Variants in SLC25A33 observed in about 807,000 individuals in gnomAD.
SLC25A33 encodes bone marrow stromal cell mitochondrial carrier protein.
SLC25A33 carries 15 observed loss-of-function variants against 35.5 expected under a neutral mutation model. The ratio of observed to expected loss-of-function variants is 0.42; its 90% CI spans 0.28 to 0.65. The LOEUF (loss-of-function observed/expected upper bound fraction) is 0.65. Among genes scored for constraint, SLC25A33 ranks in the 30% least tolerant of loss-of-function variants. The pLI is 0.20. For missense variants in SLC25A33, 257 were observed against 398.5 expected, an observed-to-expected ratio of 0.64 and a Z score of 3.02; for synonymous variants, 136 against 148.7, an observed-to-expected ratio of 0.91 and a Z score of 0.62.
intron 2 of SLC25A33, among the ~76,000 whole-genome samples, chr1:9,556,494 A>G (rs1643343254): frequency 6.6e-6 from 1 of 152,176 alleles, no homozygotes; most frequent in African/African-American, 2.4e-5. Context: ...GGATTTTGGA[A>G]TATTTGCTTC....
At chr1:9,565,958 TG>T (rs1366708918) in intron 2 of SLC25A33, among the ~76,000 whole-genome samples, 1 of 152,078 alleles carries the variant, frequency 6.6e-6, no homozygotes, top group East Asian at 1.9e-4. Flanking sequence ...TACTAGGCTT[TG>T]GTTTTAAATA....
intron 2 of SLC25A33, 81 bp downstream of exon 2, chr1:9,553,886 A>C (rs1243483410): frequency 1.4e-6 from 2 of 1,419,172 alleles, no homozygotes; most frequent in African/African-American, 2.8e-5. Flanking sequence ...CAAGCTTATC[A>C]AATGTGATGT....
rs1459614981 is a variant in SLC25A33 at position 9,582,315 on chromosome 1, G to A, written c.780G>A (p.Arg260=). ...IAYPHEVIRT[R]LREEGTKYKS... ...TCTCTGCAGAAGTCATAAGGACGAG[G>A]CTCCGGGAAGAGGGCACCAAGTACA... The change falls in exon 7 of 7, where the codon AGG becomes AGA. Residue 260 remains arginine (R), a synonymous_variant. Transcript: ENST00000302692. This position sits in a 1 kb window ranked among gnomAD's most constrained non-coding sequence, Gnocchi z 4.0. 3 of 1,613,884 alleles carry A rather than the reference G, an allele frequency of 1.9e-6. No individual in the cohort carries two copies. Among genetic ancestry groups the A allele is most frequent in the Non-Finnish European group, 8.5e-7 (1 of 1,179,882 alleles).
At chr1:9,580,364 G>GA in intron 6 of SLC25A33, 130 bp downstream of exon 6, 3 of 1,167,266 alleles carry the variant, frequency 2.6e-6, no homozygotes, top group Non-Finnish European at 3.6e-6. Context: ...GAGTATGAGG[G>GA]AAACAGCTCT....
intron 5 of SLC25A33, 27 bp from the exon 6 acceptor site, chr1:9,579,927 C>T: frequency 6.3e-7 from 1 of 1,596,934 alleles, no homozygotes. Context: ...GTCTCCTTAA[C>T]AGCCTGTGTT....
intron 4 of SLC25A33, among the ~76,000 whole-genome samples, chr1:9,570,817 G>A (rs1643580357): frequency 6.7e-6 from 1 of 150,282 alleles, no homozygotes; most frequent in South Asian, 2.1e-4. Context: ...AGTTAAAGTG[G>A]TTCTTGTGCC....
intron 1 of SLC25A33, among the ~76,000 whole-genome samples, chr1:9,547,697 C>T (rs572479360): frequency 6.6e-6 from 1 of 152,124 alleles, no homozygotes; most frequent in Non-Finnish European, 1.5e-5. Flanking sequence ...ATGAGTAACC[C>T]CCCTCCCCCA....
Position 9,553,789 on chromosome 1 carries a change from C to T in SLC25A33, c.220C>T (p.Leu74Phe). The change falls in exon 2 of 7, where the codon CTC becomes TTC. Residue 74 changes from leucine (L) to phenylalanine (F), a missense_variant. By Grantham distance (22) the Leu-to-Phe change is conservative (BLOSUM62 0). Coordinates refer to ENST00000302692, the MANE Select transcript of SLC25A33 (RefSeq NM_032315.3). ...MVRPTSVTPG[L>F]FQVLKSILEK... The stretch of plus-strand genomic sequence containing the variant: ...GAGACCAACATCCGTGACACCTGGA[C>T]TCTTTCAGGTTCTGAAGTAAGTTCA... The T allele has an allele frequency of 1.2e-6, 2 of 1,613,976 alleles. No homozygotes were observed. Among genetic ancestry groups the T allele is most frequent in the Non-Finnish European group, 1.7e-6 (2 of 1,179,906 alleles).
chr1:9,558,634 C>T (rs569546594), intron 2 of SLC25A33, among the ~76,000 whole-genome samples: 1 of 152,306 alleles, frequency 6.6e-6, no homozygotes, highest in East Asian at 1.9e-4. Flanking sequence ...TCTCAAGCTT[C>T]ATAGTCATCC....
intron 1 of SLC25A33, among the ~76,000 whole-genome samples, chr1:9,541,379 G>C (rs920823204): frequency 2.0e-5 from 3 of 152,106 alleles, no homozygotes; most frequent in African/African-American, 4.8e-5. Flanking sequence ...TCGATCTCCT[G>C]ACCTCGTGAT....
At chr1:9,542,852 G>A (rs553103185) in intron 1 of SLC25A33, among the ~76,000 whole-genome samples, 31 of 152,200 alleles carry the variant, frequency 2.0e-4, no homozygotes, top group Middle Eastern at 6.8e-3. Context: ...TCACTCTGTC[G>A]CCCAGGCTGG....
intron 1 of SLC25A33, among the ~76,000 whole-genome samples, chr1:9,545,054 A>T (rs923092824): frequency 3.3e-5 from 5 of 152,220 alleles, no homozygotes; most frequent in Non-Finnish European, 5.9e-5. Flanking sequence ...TGCCTAAGCC[A>T]CAAGGGGAAA....
At chr1:9,567,495 C>A in intron 3 of SLC25A33, 134 bp downstream of exon 3, 2 of 703,702 alleles carry the variant, frequency 2.8e-6, no homozygotes, top group Non-Finnish European at 2.4e-6. Flanking sequence ...GCGGACATAG[C>A]AAATAGTCAT....
intron 1 of SLC25A33, among the ~76,000 whole-genome samples, chr1:9,545,958 G>T (rs1302958473): frequency 2.0e-5 from 3 of 151,078 alleles, no homozygotes; most frequent in Non-Finnish European, 4.4e-5. Flanking sequence ...GCGAGACTCC[G>T]TCTAAAAAAA....
chr1:9,583,307 T>C lies in SLC25A33; in HGVS notation c.*806T>C. On this transcript the variant is annotated 3_prime_UTR_variant, in exon 7 of 7. Transcript: ENST00000302692. ...TTTTTCTTCTTTGTACATTTCCAAT[T>C]ACTTGCAGATTGATCATCTAAGCGT... 6.6e-6 allele frequency: 1 copy of C among 152,186 alleles called. No homozygotes were observed. The highest frequency in any genetic ancestry group is 1.9e-4 in the East Asian group (1 of 5,202). 9.4% of individuals were successfully genotyped at this position (152,186 alleles called of 1,614,324 possible).
chr1:9,557,037 G>A (rs1643354534), intron 2 of SLC25A33, among the ~76,000 whole-genome samples: 1 of 152,106 alleles, frequency 6.6e-6, no homozygotes, highest in Non-Finnish European at 1.5e-5. Context: ...AGGTTCAAGC[G>A]ATTCTCCTTC....
chr1:9,576,947 GTC>G, intron 5 of SLC25A33: 1 of 1,286,998 alleles, frequency 7.8e-7, no homozygotes, highest in Non-Finnish European at 1.1e-6. Flanking sequence ...TGGTATCTAT[GTC>G]TCTGAAAAAG....
intron 2 of SLC25A33, among the ~76,000 whole-genome samples, chr1:9,562,596 T>C (rs111404843): frequency 1.4e-3 from 206 of 152,230 alleles, no homozygotes; most frequent in African/African-American, 4.8e-3. Flanking sequence ...GGCTCATGCC[T>C]GTAATCTCAA....
chr1:9,565,735 G>A (rs1178815395), intron 2 of SLC25A33, among the ~76,000 whole-genome samples: 6 of 151,216 alleles, frequency 4.0e-5, no homozygotes, highest in South Asian at 2.1e-4. Context: ...AAAATTAGCC[G>A]GGCGTGGTGG....
Sources: gnomAD v4.1 joint callset for allele counts (sites outside exome capture counted in the v4.1 genomes callset) on GRCh38, gnomAD v4.1.1 for gene constraint, Gnocchi (gnomAD v3.1) non-coding constraint, MANE v1.5 for transcripts, NCBI Gene and HGNC (gene_info 2026-07-23, HGNC 2026-07-21) for gene names.